The following KRT71 variants were observed in gnomAD, a reference collection of about 807,000 sequenced individuals.
KRT71 encodes the protein keratin 71, also known as keratin, type II cytoskeletal 71.
Under a neutral mutation model 46.2 loss-of-function variants are expected in KRT71, and 42 were observed. That is an observed-to-expected ratio of 0.91 (90% CI 0.71 to 1.18). KRT71 has a LOEUF of 1.18. Ranked by LOEUF, KRT71 falls within the 50% of genes most tolerant of loss-of-function variation. The probability of loss-of-function intolerance (pLI) is 0.00; values close to 1 mark genes in which losing one functional copy is unlikely to be tolerated. For synonymous variants in KRT71, 292 were observed against 277.8 expected (o/e 1.05, Z -0.51); for missense variants, 708 against 677.9 (o/e 1.04, Z -0.49).
Position 52,547,808 on chromosome 12 carries a change from C to T in KRT71, c.1104+49G>A, listed in dbSNP as rs770500524. The T allele has an allele frequency of 7.5e-6, 12 of 1,603,138 alleles. No homozygotes were observed. In the South Asian group the frequency reaches 1.2e-4, roughly 17 times the overall value. On this transcript the variant is annotated intron_variant, in intron 6 of 8. Transcript: ENST00000267119. ...TTCTCAGCAGCTCATCTCCCCTCTA[C>T]TCATGCTCCCCTGCACTTGACCACA...
chr12:52,546,393 C>T lies in KRT71; in HGVS notation c.1218G>A (p.Glu406=). Residue 406 remains glutamate, a synonymous_variant, in exon 7 of 9, where the codon GAG becomes GAA. Transcript: ENST00000267119. The stretch of plus-strand genomic sequence containing the variant: ...ACTCGCGCAGCATCCGCGCCAGCTC[C>T]TCCTTGGCCTGGTGCAGGGCGCCCT... The part of the protein sequence containing the change: ...ELEGALHQAK[E]ELARMLREYQ... 2 of 1,614,228 alleles carry T rather than the reference C, an allele frequency of 1.2e-6. No individual in the cohort carries two copies. Among genetic ancestry groups the T allele is most frequent in the Admixed American group, 1.7e-5 (1 of 60,034 alleles).
Position 52,552,802 on chromosome 12 carries a change from C to T in KRT71, c.276G>A (p.Val92=), listed in dbSNP as rs941463550. ...CTCCAGGTGGGCATACAGTTGGGCA[C>T]ACAGGCCCCAGGGCCACACTGCCAA... ...SMFGSVALGP[V]CPTVCPPGGI... is the part of the protein sequence containing the mutation. The change falls in exon 1 of 9, where the codon GTG becomes GTA. Residue 92 remains valine (V), a synonymous_variant. Transcript: ENST00000267119. 1 of 1,614,256 alleles carries T rather than the reference C, an allele frequency of 6.2e-7. No individual in the cohort carries two copies. The highest frequency in any genetic ancestry group is 8.5e-7 in the Non-Finnish European group (1 of 1,180,040).
At chr12:52,549,991 G>A in intron 2 of KRT71, 38 bp downstream of exon 2, 3 of 1,609,138 alleles carry the variant, frequency 1.9e-6, no homozygotes, top group South Asian at 1.1e-5. Context: ...GAGGGACAAG[G>A]GCAGTTGTCC....
Position 52,546,523 on chromosome 12 carries a change from T to C in KRT71, c.1105-17A>G, listed in dbSNP as rs756356646. The C allele has an allele frequency of 6.2e-7, 1 of 1,610,132 alleles. No homozygotes were observed. Among genetic ancestry groups the C allele is most frequent in the Non-Finnish European group, 8.5e-7 (1 of 1,177,944 alleles). ...GTTGGAAGCCTAAGGAAGGAATTGG[T>C]GAAGTCGAAAAATTTGGAGGAGCCA... is the stretch of plus-strand genomic sequence containing the variant. On this transcript the variant is annotated splice_polypyrimidine_tract_variant and intron_variant, in intron 6 of 8. Transcript: ENST00000267119.
chr12:52,544,241 G>C lies in KRT71; in HGVS notation c.*291C>G. On this transcript the variant is annotated 3_prime_UTR_variant, in exon 9 of 9. Transcript: ENST00000267119. ...TAGTTAGCGACTGCGCTAGAGGCCG[G>C]GCAGAGGAGGAAAGCTGGCAGCCAG... The C allele has an allele frequency of 2.0e-6, 1 of 509,324 alleles. No individual in the cohort carries two copies. Among genetic ancestry groups the C allele is most frequent in the South Asian group, 2.2e-5 (1 of 45,788 alleles). 31.6% of individuals were successfully genotyped at this position (509,324 alleles called of 1,614,324 possible).
intron 2 of KRT71, among the ~76,000 whole-genome samples, chr12:52,549,575 A>G (rs1435065147): frequency 6.6e-6 from 1 of 152,214 alleles, no homozygotes; most frequent in Non-Finnish European, 1.5e-5. Flanking sequence ...CAAACGAGGA[A>G]GGAGCACATG....
In KRT71 at chr12:52,546,395, C is replaced by G; in HGVS notation, c.1216G>C (p.Glu406Gln). 6.2e-7 allele frequency: 1 copy of G among 1,614,238 alleles called. No individual in the cohort carries two copies. Among genetic ancestry groups the G allele is most frequent in the South Asian group, 1.1e-5 (1 of 91,084 alleles). The change falls in exon 7 of 9, where the codon GAG (glutamate) becomes CAG (glutamine). Residue 406 changes from glutamate (E) to glutamine (Q), a missense_variant. By Grantham distance (29) the Glu-to-Gln change is conservative. Transcript: ENST00000267119. ...TCGCGCAGCATCCGCGCCAGCTCCT[C>G]CTTGGCCTGGTGCAGGGCGCCCTCC... ...ELEGALHQAKEELARMLREYQ... is the reference protein window; with the variant it reads ...ELEGALHQAKQELARMLREYQ...
chr12:52,552,798 G>A lies in KRT71; in HGVS notation c.280C>T (p.Pro94Ser), dbSNP rs371605959. 21 of 1,614,098 alleles carry A rather than the reference G, an allele frequency of 1.3e-5. No individual in the cohort carries two copies. In the African/African-American group the frequency reaches 2.7e-4, roughly 21 times the overall value. ...ATGCCTCCAGGTGGGCATACAGTTG[G>A]GCACACAGGCCCCAGGGCCACACTG... ...FGSVALGPVC[P>S]TVCPPGGIHQ... The change falls in exon 1 of 9, where the codon CCA becomes TCA. Residue 94 changes from proline to serine, a missense_variant. By Grantham distance (74) the Pro-to-Ser change is moderately conservative. Transcript: ENST00000267119.
chr12:52,550,245 T>C lies in KRT71; in HGVS notation c.442-2A>G. The stretch of plus-strand genomic sequence containing the variant: ...GTTCTGCTGCTCCAGGAACCGCACC[T>C]GGAACCCAGATCCCAGAAACTGCTG... On this transcript the variant is annotated splice_acceptor_variant, in intron 1 of 8. Transcript: ENST00000267119. LOFTEE classifies it high-confidence loss of function. The C allele has an allele frequency of 6.2e-7, 1 of 1,614,032 alleles. No individual in the cohort carries two copies. The highest frequency in any genetic ancestry group is 8.5e-7 in the Non-Finnish European group (1 of 1,180,026).
In KRT71 at chr12:52,544,584, G is replaced by T. The variant is rs1427196078; in HGVS notation, c.1520C>A (p.Thr507Asn). 1 of 1,614,020 alleles carries T rather than the reference G, an allele frequency of 6.2e-7. No homozygotes were observed. The highest frequency in any genetic ancestry group is 8.5e-7 in the Non-Finnish European group (1 of 1,180,014). ...ACTCAGGCTGGAACCCTTCCCTAGG[G>T]TGTCTTTGTAATCGTTGGCACTGCC... The part of the protein sequence containing the change: ...SRGSANDYKD[T>N]LGKGSSLSAP... Residue 507 changes from threonine to asparagine, a missense_variant, in exon 9 of 9, where the codon ACC becomes AAC. Coordinates refer to ENST00000267119, the MANE Select transcript of KRT71 (RefSeq NM_033448.3).
chr12:52,553,133 G>C lies in KRT71; in HGVS notation c.-56C>G, dbSNP rs1010323926. The C allele has an allele frequency of 2.1e-5, 32 of 1,516,186 alleles. No individual in the cohort carries two copies. In the East Asian group the frequency reaches 6.1e-4, roughly 29 times the overall value. 93.9% of individuals were successfully genotyped at this position (1,516,186 alleles called of 1,614,324 possible). A position where few individuals can be genotyped will look rare whatever the true frequency, so the allele number is the denominator to read the frequency against. On this transcript the variant is annotated 5_prime_UTR_variant, in exon 1 of 9. Coordinates refer to ENST00000267119, the MANE Select transcript of KRT71 (RefSeq NM_033448.3). ...GAGGGAGGAAGGCAAAATCCCAAAA[G>C]GTTCTGCTGGTTGTAGTGAGGACTG...
intron 1 of KRT71, among the ~76,000 whole-genome samples, chr12:52,551,553 A>G (rs932693683): frequency 6.6e-6 from 1 of 152,228 alleles, no homozygotes; most frequent in African/African-American, 2.4e-5. Flanking sequence ...TCCTCCAGGC[A>G]GGAAGTCTGA....
At chr12:52,551,645 C>T (rs1939171687) in intron 1 of KRT71, among the ~76,000 whole-genome samples, 1 of 152,170 alleles carries the variant, frequency 6.6e-6, no homozygotes, top group Non-Finnish European at 1.5e-5. Context: ...GTCCTTGGTG[C>T]CTGACTGCCA....
At chr12:52,549,978 T>C (rs1469216089) in intron 2 of KRT71, 51 bp downstream of exon 2, 1 of 1,605,704 alleles carries the variant, frequency 6.2e-7, no homozygotes, top group Non-Finnish European at 8.5e-7. Context: ...CAGGGGTCCC[T>C]TGGAGGGACA....
At position 52,553,128 on chromosome 12, in the gene KRT71, C is replaced by T. The variant is rs370918917; in HGVS notation, c.-51G>A. On this transcript the variant is annotated 5_prime_UTR_variant, in exon 1 of 9. Coordinates refer to ENST00000267119, the MANE Select transcript of KRT71 (RefSeq NM_033448.3). ...TGCAGGAGGGAGGAAGGCAAAATCCCAAAAGGTTCTGCTGGTTGTAGTGAG... is the reference window on the plus strand; with the variant it reads ...TGCAGGAGGGAGGAAGGCAAAATCCTAAAAGGTTCTGCTGGTTGTAGTGAG... 2.6e-6 allele frequency: 4 copies of T among 1,523,588 alleles called. No homozygotes were observed. Among genetic ancestry groups the T allele is most frequent in the Non-Finnish European group, 3.5e-6 (4 of 1,134,022 alleles). The allele number at this position is 1,523,588 out of a possible 1,614,324, so 94.4% of individuals were successfully genotyped here.
intron 5 of KRT71, 63 bp downstream of exon 5, chr12:52,548,089 G>A (rs1462393248): frequency 1.2e-5 from 19 of 1,600,532 alleles, no homozygotes; most frequent in East Asian, 8.9e-5. Context: ...TTCTGGGCAC[G>A]ATCTGTCTCC....
Position 52,550,325 on chromosome 12 carries a change from T to G in KRT71, c.442-82A>C, listed in dbSNP as rs1031502021. ...CTCACAGGGCATTGTGTAAAGCTTCTATCTGCATTTTCTCCTCAATAGAGC... is the reference window on the plus strand; with the variant it reads ...CTCACAGGGCATTGTGTAAAGCTTCGATCTGCATTTTCTCCTCAATAGAGC... On this transcript the variant is annotated intron_variant, in intron 1 of 8. Coordinates refer to ENST00000267119, the MANE Select transcript of KRT71 (RefSeq NM_033448.3). 1.1e-5 allele frequency: 17 copies of G among 1,509,886 alleles called. No homozygotes were observed. In the African/African-American group the frequency reaches 2.3e-4, roughly 21 times the overall value. The allele number at this position is 1,509,886 out of a possible 1,614,324, so 93.5% of individuals were successfully genotyped here.
At chr12:52,547,353 C>T (rs774244009) in intron 6 of KRT71, among the ~76,000 whole-genome samples, 10 of 152,218 alleles carry the variant, frequency 6.6e-5, no homozygotes, top group Non-Finnish European at 1.3e-4. Flanking sequence ...ATCCTATATT[C>T]CTGGGAGTAG....
rs749897499 is a variant in KRT71, at chr12:52,546,344, G to C, written c.1267C>G (p.Leu423Val). 2 of 1,614,206 alleles carry C rather than the reference G, an allele frequency of 1.2e-6. No individual in the cohort carries two copies. Among genetic ancestry groups the C allele is most frequent in the Admixed American group, 1.7e-5 (1 of 60,032 alleles). ...REYQELMSLK[L>V]ALDMEIATYR... The stretch of plus-strand genomic sequence containing the variant: ...GTGGCGATCTCCATGTCCAGGGCCA[G>C]CTTCAGGCTCATGAGCTCCTGGTAC... The change falls in exon 7 of 9, where the codon CTG (leucine) becomes GTG (valine). Residue 423 changes from leucine (L) to valine (V), a missense_variant. Leu to Val is a conservative substitution (Grantham distance 32). Transcript: ENST00000267119.
Sources: allele counts gnomAD v4.1 joint callset (sites outside exome capture counted in the v4.1 genomes callset), GRCh38; gene constraint gnomAD v4.1.1; transcripts MANE v1.5; gene names NCBI Gene and HGNC (gene_info 2026-07-23, HGNC 2026-07-21).